TTC6: variants seen among roughly 807,000 people sequenced by gnomAD.
TTC6 encodes the protein tetratricopeptide repeat protein 6.
In TTC6, 172 loss-of-function variants were observed where a neutral mutation model predicts 210.4. The ratio of observed to expected loss-of-function variants is 0.82; its 90% CI spans 0.72 to 0.93. The LOEUF is 0.93. Ranked by LOEUF, TTC6 falls within the 40% of genes least tolerant of loss-of-function variation. TTC6 has a pLI of 0.00. For synonymous variants in TTC6, 804 were observed against 819.6 expected (o/e 0.98, Z 0.32); for missense variants, 2,414 against 2,318.1 (o/e 1.04, Z -0.85).
At chr14:37,817,713 C>A in intron 26 of TTC6, 62 bp downstream of exon 28, 1 of 1,490,500 alleles carries the variant, frequency 6.7e-7, no homozygotes, top group Non-Finnish European at 9.3e-7. Flanking sequence ...ATCTAATTAT[C>A]ACCCCATAAA....
intron 20 of TTC6, among the ~76,000 whole-genome samples, chr14:37,802,827 G>C (rs2096110034): frequency 6.6e-6 from 1 of 151,724 alleles, no homozygotes; most frequent in Admixed American, 6.6e-5. Context: ...CTGCCTCCTG[G>C]GTTCAAGCAA....
chr14:37,749,059 A>G, exon 11 of TTC6: 4 of 1,535,738 alleles, frequency 2.6e-6, no homozygotes, highest in Admixed American at 3.9e-5. Context: ...AATTCGTCCA[A>G]GCTAAGGGAG....
At chr14:37,725,864 T>C (rs2095872078) in intron 7 of TTC6, among the ~76,000 whole-genome samples, 1 of 152,214 alleles carries the variant, frequency 6.6e-6, no homozygotes. Flanking sequence ...GTTAAAAACA[T>C]TTAATAATAC....
At chr14:37,827,199 A>T in exon 29 of TTC6, 10 of 1,610,166 alleles carry the variant, frequency 6.2e-6, no homozygotes, top group Non-Finnish European at 8.5e-6. Context: ...ACTGCAGATC[A>T]GTACTACAGC....
rs753557347 is a variant in TTC6 at position 37,665,178 on chromosome 14, A to G, written c.940-14973A>G. Reference sequence around the variant, plus strand: ...TACCCAAAAGAATATAAATCATTCTACCATAAAGATACATGCATGCAAATG... The same window carrying G: ...TACCCAAAAGAATATAAATCATTCTGCCATAAAGATACATGCATGCAAATG... On this transcript the variant is annotated intron_variant, in intron 1 of 30. Transcript: ENST00000553443. Among the ~76,000 whole-genome samples the G allele has an allele frequency of 8.6e-5, 13 of 150,584 alleles. 2 individuals are homozygous for G. Among genetic ancestry groups the G allele is most frequent in the Non-Finnish European group, 1.5e-4 (10 of 67,106 alleles).
At chr14:37,646,214 T>C (rs1471647305) in intron 1 of TTC6, among the ~76,000 whole-genome samples, 1 of 152,210 alleles carries the variant, frequency 6.6e-6, no homozygotes, top group East Asian at 1.9e-4. Context: ...AGTTGGAATG[T>C]GTGCCAAGAC....
chr14:37,726,090 C>CT (rs71433921), intron 7 of TTC6, among the ~76,000 whole-genome samples: 18 of 150,524 alleles, frequency 1.2e-4, no homozygotes, highest in South Asian at 4.2e-4. Flanking sequence ...CTGCTTTTTC[C>CT]TTTTTTTTTC....
At chr14:37,653,286 A>G (rs1402720460) in intron 1 of TTC6, among the ~76,000 whole-genome samples, 1 of 152,088 alleles carries the variant, frequency 6.6e-6, no homozygotes, top group Non-Finnish European at 1.5e-5. Context: ...CTCCTCTTTC[A>G]TTTATTTGCG....
intron 15 of TTC6, among the ~76,000 whole-genome samples, chr14:37,787,873 TTA>T (rs1293193923): frequency 7.7e-6 from 1 of 129,406 alleles, no homozygotes; most frequent in East Asian, 2.3e-4. Flanking sequence ...AATATGCCCT[TTA>T]TGTGTGTGTG....
At chr14:37,727,924 A>G (rs559823194) in intron 7 of TTC6, among the ~76,000 whole-genome samples, 2 of 152,310 alleles carry the variant, frequency 1.3e-5, no homozygotes, top group Admixed American at 6.5e-5. Flanking sequence ...TAGATATCCC[A>G]ATATCTCTCA....
chr14:37,723,527 C>T (rs2095865877), intron 6 of TTC6, among the ~76,000 whole-genome samples: 1 of 151,942 alleles, frequency 6.6e-6, no homozygotes. Flanking sequence ...TCCTTTTTTT[C>T]TACTGCACTT....
chr14:37,827,269 T>G (rs941346588), exon 29 of TTC6: 2 of 1,613,252 alleles, frequency 1.2e-6, no homozygotes, highest in South Asian at 2.2e-5. Flanking sequence ...CAGAATGCAA[T>G]GAAAGACTAC....
chr14:37,628,519 T>C (rs1406669365), intron 1 of TTC6, among the ~76,000 whole-genome samples: 1 of 152,138 alleles, frequency 6.6e-6, no homozygotes, highest in Non-Finnish European at 1.5e-5. Flanking sequence ...CTTTGTGAGA[T>C]GGATAGATTG....
At chr14:37,777,436 T>C (rs1289463014) in intron 14 of TTC6, among the ~76,000 whole-genome samples, 4 of 152,234 alleles carry the variant, frequency 2.6e-5, no homozygotes, top group Non-Finnish European at 4.4e-5. Context: ...AAGTGCTTTT[T>C]TTCAGCTCTA....
chr14:37,608,422 A>G (rs1185235775), intron 2 of TTC6, among the ~76,000 whole-genome samples: 1 of 151,808 alleles, frequency 6.6e-6, no homozygotes, highest in African/African-American at 2.4e-5. Flanking sequence ...CAATCCTCCT[A>G]CCTTAGCCTC....
At chr14:37,741,523 C>CA (rs2095919832) in intron 10 of TTC6, among the ~76,000 whole-genome samples, 1 of 152,094 alleles carries the variant, frequency 6.6e-6, no homozygotes, top group South Asian at 2.1e-4. Flanking sequence ...TTCCTGACTT[C>CA]AGGTGATCCA....
At chr14:37,672,424 G>A (rs1319194118) in intron 1 of TTC6, among the ~76,000 whole-genome samples, 12 of 152,004 alleles carry the variant, frequency 7.9e-5, no homozygotes, top group Non-Finnish European at 2.9e-5. Flanking sequence ...TTCTTCGTCT[G>A]TTGTTTTCAT....
At chr14:37,748,262 A>G (rs930239875) in intron 10 of TTC6, among the ~76,000 whole-genome samples, 1 of 152,178 alleles carries the variant, frequency 6.6e-6, no homozygotes, top group African/African-American at 2.4e-5. Flanking sequence ...AGCACTAGGT[A>G]TTTCTCATAG....
At chr14:37,680,082 A>T in intron 1 of TTC6, 69 bp from the exon 4 acceptor site, 1 of 832,814 alleles carries the variant, frequency 1.2e-6, no homozygotes, top group Non-Finnish European at 1.9e-6. Flanking sequence ...CTAGCATTTT[A>T]GTATAATGAA....
Sources: gnomAD v4.1 joint callset for allele counts (sites outside exome capture counted in the v4.1 genomes callset) on GRCh38, gnomAD v4.1.1 for gene constraint, MANE v1.5 for transcripts, NCBI Gene and HGNC (gene_info 2026-07-23, HGNC 2026-07-21) for gene names.